The following CNTNAP5 variants were observed in gnomAD, a reference collection of about 807,000 sequenced individuals.
CNTNAP5 encodes contactin associated protein family member 5.
In CNTNAP5, 72 loss-of-function variants were observed where a neutral mutation model predicts 150.2. The observed-to-expected ratio is 0.48, with a 90% confidence interval of 0.40 to 0.58. The LOEUF (loss-of-function observed/expected upper bound fraction) is 0.58, where lower values mean the gene tolerates loss of function less well. Among genes scored for constraint, CNTNAP5 ranks in the 20% least tolerant of loss-of-function variants. The pLI is 0.00. For missense variants in CNTNAP5, 1,636 were observed against 1,626.2 expected (o/e 1.01, Z -0.10); for synonymous variants, 672 against 619.8 (o/e 1.08, Z -1.25).
At chr2:124,564,883 T>C (rs964950644) in intron 11 of CNTNAP5, among the ~76,000 whole-genome samples, 4 of 152,202 alleles carry the variant, frequency 2.6e-5, no homozygotes, top group African/African-American at 9.6e-5. Flanking sequence ...AAACATTTTC[T>C]AGACGTAAGA....
intron 3 of CNTNAP5, among the ~76,000 whole-genome samples, chr2:124,306,628 G>T (rs923637039): frequency 3.3e-5 from 5 of 151,812 alleles, no homozygotes; most frequent in Admixed American, 2.6e-4. Context: ...TCACCAGAAC[G>T]AGAATGCTAT....
chr2:124,824,114 C>T (rs562300620), intron 19 of CNTNAP5, among the ~76,000 whole-genome samples: 3 of 151,744 alleles, frequency 2.0e-5, no homozygotes, highest in Non-Finnish European at 2.9e-5. Context: ...GATGGGTTTT[C>T]GTCATGTTGG....
intron 13 of CNTNAP5, among the ~76,000 whole-genome samples, chr2:124,688,548 T>A (rs1274430892): frequency 6.6e-6 from 1 of 152,028 alleles, no homozygotes; most frequent in Non-Finnish European, 1.5e-5. Flanking sequence ...AGTCATAGAA[T>A]GTTGGGTTCA....
chr2:124,385,611 T>C (rs912940756), intron 3 of CNTNAP5, among the ~76,000 whole-genome samples: 4 of 152,218 alleles, frequency 2.6e-5, no homozygotes, highest in African/African-American at 9.6e-5. Context: ...CACAGAAACA[T>C]ATTTTTTGGA....
intron 11 of CNTNAP5, among the ~76,000 whole-genome samples, chr2:124,593,160 G>C (rs1005430088): frequency 6.8e-6 from 1 of 146,438 alleles, no homozygotes; most frequent in Non-Finnish European, 1.5e-5. Flanking sequence ...TATACTTTAA[G>C]TTTTAGGGTA....
chr2:124,570,680 A>G (rs1437076981), intron 11 of CNTNAP5, among the ~76,000 whole-genome samples: 1 of 152,136 alleles, frequency 6.6e-6, no homozygotes, highest in Non-Finnish European at 1.5e-5. Flanking sequence ...GGTACTAGGG[A>G]CAGATACTGG....
At chr2:124,445,279 G>A (rs1048546520) in intron 5 of CNTNAP5, among the ~76,000 whole-genome samples, 4 of 151,332 alleles carry the variant, frequency 2.6e-5, no homozygotes, top group African/African-American at 9.7e-5. Context: ...TGTATTTTTA[G>A]TAGAGATGGG....
chr2:124,235,510 C>T (rs75747642), intron 2 of CNTNAP5, among the ~76,000 whole-genome samples: 4,192 of 152,160 alleles, frequency 0.028, 80 homozygotes, highest in Middle Eastern at 0.068. Flanking sequence ...AACCCCAGCT[C>T]CCTCCCACTC....
At chr2:124,460,340 GA>G (rs1693216819) in intron 6 of CNTNAP5, among the ~76,000 whole-genome samples, 1 of 152,118 alleles carries the variant, frequency 6.6e-6, no homozygotes, top group Non-Finnish European at 1.5e-5. Flanking sequence ...ACTTTAAGAA[GA>G]AACTGAGGCA....
intron 18 of CNTNAP5, among the ~76,000 whole-genome samples, chr2:124,796,133 A>G (rs1681841281): frequency 6.6e-6 from 1 of 152,198 alleles, no homozygotes; most frequent in Non-Finnish European, 1.5e-5. Context: ...ACAATATTTA[A>G]ATATTAAAAA....
At chr2:124,175,835 G>T (rs923429193) in intron 1 of CNTNAP5, among the ~76,000 whole-genome samples, 4 of 152,110 alleles carry the variant, frequency 2.6e-5, no homozygotes, top group African/African-American at 9.7e-5. Flanking sequence ...TCTTTATGCA[G>T]TCCACAACTG....
chr2:124,642,796 A>T (rs1419572283), intron 12 of CNTNAP5, among the ~76,000 whole-genome samples: 1 of 152,240 alleles, frequency 6.6e-6, no homozygotes, highest in Non-Finnish European at 1.5e-5. Context: ...AACTGGGCAC[A>T]TATTTAAACA....
At chr2:124,047,940 C>T (rs764940060) in intron 1 of CNTNAP5, among the ~76,000 whole-genome samples, 1 of 152,180 alleles carries the variant, frequency 6.6e-6, no homozygotes, top group Non-Finnish European at 1.5e-5. Flanking sequence ...CTAGCACAAG[C>T]ATGCACATGT....
intron 19 of CNTNAP5, among the ~76,000 whole-genome samples, chr2:124,848,465 T>C (rs758667669): frequency 1.3e-5 from 2 of 152,180 alleles, no homozygotes; most frequent in African/African-American, 2.4e-5. Flanking sequence ...TGTTGAAATA[T>C]ACATGAGGTG....
intron 21 of CNTNAP5, among the ~76,000 whole-genome samples, chr2:124,899,173 A>G (rs1287775245): frequency 6.6e-6 from 1 of 151,614 alleles, no homozygotes; most frequent in Non-Finnish European, 1.5e-5. Context: ...CCAAACAAAT[A>G]CATAAAACAC....
chr2:124,543,669 GATTT>G (rs1695441648), intron 10 of CNTNAP5, among the ~76,000 whole-genome samples: 1 of 152,118 alleles, frequency 6.6e-6, no homozygotes, highest in Non-Finnish European at 1.5e-5. Context: ...CTGTTTTTTA[GATTT>G]ATTTATTTTT....
chr2:124,907,693 T>G (rs1678566891), intron 22 of CNTNAP5, among the ~76,000 whole-genome samples: 1 of 151,220 alleles, frequency 6.6e-6, no homozygotes, highest in Non-Finnish European at 1.5e-5. Flanking sequence ...AAGATAGCTC[T>G]AAAATTGTTA....
At chr2:124,113,504 A>ATGTGTGTGTG (rs199692680) in intron 1 of CNTNAP5, among the ~76,000 whole-genome samples, 234 of 115,390 alleles carry the variant, frequency 2.0e-3, no homozygotes, top group South Asian at 8.3e-3. Context: ...TGATACATAT[A>ATGTGTGTGTG]TATGTGTGTG....
chr2:124,165,940 A>C (rs1000792745), intron 1 of CNTNAP5, among the ~76,000 whole-genome samples: 5 of 151,990 alleles, frequency 3.3e-5, no homozygotes, highest in South Asian at 2.1e-4. Context: ...CAACCCCCAA[A>C]ACTCCTCATT....
Sources: gnomAD v4.1 joint callset for allele counts (sites outside exome capture counted in the v4.1 genomes callset) on GRCh38, gnomAD v4.1.1 for gene constraint, MANE v1.5 for transcripts, NCBI Gene and HGNC (gene_info 2026-07-23, HGNC 2026-07-21) for gene names.